Variants in TRPM1 observed in about 807,000 individuals in gnomAD.
TRPM1 encodes TRPM1-203 APA Isoform, Intron 10.
TRPM1 carries 113 observed loss-of-function variants against 149.4 expected under a neutral mutation model. The ratio of observed to expected loss-of-function variants is 0.76; its 90% CI spans 0.65 to 0.88. The LOEUF is 0.88. TRPM1 is among the 40% of genes least tolerant of loss of function. The pLI is 0.00. For synonymous variants in TRPM1, 741 were observed against 759.5 expected (o/e 0.98, Z 0.40); for missense variants, 1,976 against 2,038.7 (o/e 0.97, Z 0.59).
intron 11 of TRPM1, among the ~76,000 whole-genome samples, chr15:31,057,096 G>A (rs936521252): frequency 1.3e-5 from 2 of 152,222 alleles, no homozygotes; most frequent in African/African-American, 4.8e-5. Flanking sequence ...CAACTGTACA[G>A]TAGGCATTGA....
At chr15:31,083,208 T>C (rs528310048) in intron 1 of TRPM1, among the ~76,000 whole-genome samples, 10 of 152,274 alleles carry the variant, frequency 6.6e-5, no homozygotes, top group African/African-American at 1.7e-4. Flanking sequence ...ATGAAATGAA[T>C]GATGTGTGGA....
chr15:31,039,804 T>TG (rs1371174315), intron 18 of TRPM1, among the ~76,000 whole-genome samples: 1 of 152,090 alleles, frequency 6.6e-6, no homozygotes, highest in Non-Finnish European at 1.5e-5. Context: ...TACTGAGTTA[T>TG]GGGGGGCTCC....
Position 31,061,797 on chromosome 15 carries a change from A to G in TRPM1, c.1090-283T>C, listed in dbSNP as rs569635177. ...CCTCCCAGGTTCAAGCGATTCTCCT[A>G]TCTCAGCCTCCCAAGTGGCTGGGAT... is the stretch of plus-strand genomic sequence containing the variant. On this transcript the variant is annotated intron_variant, in intron 9 of 27. Transcript: ENST00000256552. Among the ~76,000 whole-genome samples, 9 of 151,486 alleles carry G rather than the reference A, an allele frequency of 5.9e-5. No individual in the cohort carries two copies. The South Asian group carries it at 1.9e-3, about 32-fold the overall frequency.
chr15:31,097,005 C>T lies in TRPM1; in HGVS notation c.-84+4652G>A, dbSNP rs143170845. 3.3e-5 allele frequency among the ~76,000 whole-genome samples: 5 copies of T among 152,312 alleles called. No homozygotes were observed. The East Asian group carries it at 5.8e-4, about 18-fold the overall frequency. On this transcript the variant is annotated intron_variant, in intron 1 of 27. Coordinates refer to ENST00000256552, the MANE Select transcript of TRPM1 (RefSeq NM_001252024.2). ...AGCGTGACGGTGGAGGCTGCCAGCA[C>T]GGGAATCAGACTGCCGGGCCCCTTT... is the stretch of plus-strand genomic sequence containing the variant.
At chr15:31,136,989 C>T (rs147660992) in intron 1 of TRPM1, among the ~76,000 whole-genome samples, 75 of 152,274 alleles carry the variant, frequency 4.9e-4, no homozygotes, top group African/African-American at 1.6e-3. Context: ...AGGCCCTGCT[C>T]GCTCTACCTT....
At chr15:31,030,732 G>A (rs1455581882) in intron 23 of TRPM1, among the ~76,000 whole-genome samples, 1 of 152,210 alleles carries the variant, frequency 6.6e-6, no homozygotes, top group Admixed American at 6.5e-5. Flanking sequence ...CTGCATTCAT[G>A]TGACACGATG....
At position 31,038,044 on chromosome 15, in the gene TRPM1, C is replaced by T. The variant is rs771354727; in HGVS notation, c.2439G>A (p.Thr813=). 8.1e-6 allele frequency: 13 copies of T among 1,613,930 alleles called. No individual in the cohort carries two copies. The highest frequency in any genetic ancestry group is 2.2e-5 in the East Asian group (1 of 44,904). ...EDGKEKEEEN[T]DANADAGSRK... ...GCTTAGGGTCAAGTGTGTCACTGAC[C>T]GTATTTTCCTCTTCTTTTTCTTTGC... The change falls in exon 19 of 28, where the codon ACG becomes ACA. Residue 813 remains threonine, a splice_region_variant and synonymous_variant. Coordinates refer to ENST00000256552, the MANE Select transcript of TRPM1 (RefSeq NM_001252024.2).
At chr15:31,018,643 T>A (rs2032452832) in intron 27 of TRPM1, among the ~76,000 whole-genome samples, 1 of 151,834 alleles carries the variant, frequency 6.6e-6, no homozygotes, top group Admixed American at 6.6e-5. Flanking sequence ...AAGTGCTGGA[T>A]TACAGGGATG....
rs776508170 is a variant in TRPM1, at chr15:31,040,073, C to T, written c.2316+45G>A. ...CTCAGTTCAGCCTGGCAGAGAGTCA[C>T]TTGTCACTGTCACCCTGGCCCGCCT... On this transcript the variant is annotated intron_variant, in intron 18 of 27. Transcript: ENST00000256552. This position sits in a 1 kb window ranked among gnomAD's most constrained non-coding sequence, Gnocchi z 4.2. The T allele has an allele frequency of 3.8e-6, 6 of 1,570,210 alleles. No homozygotes were observed. In the South Asian group the frequency reaches 6.7e-5, roughly 17 times the overall value.
intron 1 of TRPM1, among the ~76,000 whole-genome samples, chr15:31,129,697 T>C (rs1385731407): frequency 6.6e-6 from 1 of 152,176 alleles, no homozygotes. Context: ...CCGTAGTATA[T>C]GCTAAACATA....
Position 31,160,840 on chromosome 15 carries a change from C to T in TRPM1, c.54+66G>A, listed in dbSNP as rs2036434956. On this transcript the variant is annotated intron_variant, in intron 1 of 26. Transcript: ENST00000542188. The stretch of plus-strand genomic sequence containing the variant: ...GGGCCAGCACTCTGAGATGACAGAG[C>T]TGGAGACCAGTGTCCCTCTGCCCTT... 2.0e-6 allele frequency: 3 copies of T among 1,503,258 alleles called. No individual in the cohort carries two copies. The South Asian group carries it at 3.6e-5, about 18-fold the overall frequency. 93.1% of individuals were successfully genotyped at this position (1,503,258 alleles called of 1,614,324 possible).
chr15:31,048,391 A>C (rs2033844087), intron 13 of TRPM1, among the ~76,000 whole-genome samples: 1 of 152,234 alleles, frequency 6.6e-6, no homozygotes, highest in Non-Finnish European at 1.5e-5. Context: ...TTTCTTTTAC[A>C]AAACAGAGCT....
chr15:31,127,850 C>T (rs1036533213), intron 1 of TRPM1, among the ~76,000 whole-genome samples: 40 of 152,144 alleles, frequency 2.6e-4, no homozygotes, highest in African/African-American at 8.9e-4. Context: ...GAAACAAGGA[C>T]GCGAACCAGT....
At chr15:31,003,585 A>C (rs10162919) in intron 27 of TRPM1, among the ~76,000 whole-genome samples, 37,682 of 152,150 alleles carry the variant, frequency 0.25, 5,024 homozygotes, top group Non-Finnish European at 0.29. Flanking sequence ...ACTAGTGCTT[A>C]GTTTTTAGAG....
rs2035854608 is a variant in TRPM1 at position 31,119,957 on chromosome 15, A to G, written c.54+40949T>C. On this transcript the variant is annotated intron_variant, in intron 1 of 26. Coordinates refer to the TRPM1 transcript ENST00000542188. ...GAAGGGAAGAAAAGACAAATGTAAT[A>G]CATAGAAAATGGTTACAAATATGAT... Among the ~76,000 whole-genome samples, 6 of 152,162 alleles carry G rather than the reference A, an allele frequency of 3.9e-5. No individual in the cohort carries two copies. The South Asian group carries it at 1.2e-3, about 32-fold the overall frequency.
chr15:31,159,317 G>A (rs1033625459), intron 1 of TRPM1, among the ~76,000 whole-genome samples: 2 of 152,128 alleles, frequency 1.3e-5, no homozygotes, highest in African/African-American at 4.8e-5. Flanking sequence ...CAGGTGAACA[G>A]GTGACATCAA....
chr15:31,006,212 C>A (rs898524793), intron 27 of TRPM1, among the ~76,000 whole-genome samples: 2 of 151,820 alleles, frequency 1.3e-5, no homozygotes, highest in Non-Finnish European at 2.9e-5. Flanking sequence ...GAGTCTTGCT[C>A]TGTTGCCCAG....
intron 1 of TRPM1, among the ~76,000 whole-genome samples, chr15:31,113,611 T>A (rs1034210272): frequency 2.0e-5 from 3 of 152,216 alleles, no homozygotes; most frequent in African/African-American, 7.2e-5. Flanking sequence ...CAAGTAAACT[T>A]GTGTCATAGC....
At chr15:31,047,359 T>C (rs888010318) in intron 14 of TRPM1, 108 bp from the exon 15 acceptor site, 49 of 1,221,416 alleles carry the variant, frequency 4.0e-5, no homozygotes, top group Non-Finnish European at 5.6e-5. Context: ...TGGGAGTTCA[T>C]GTAACAGGTG....
Sources: allele counts gnomAD v4.1 joint callset (sites outside exome capture counted in the v4.1 genomes callset), GRCh38; gene constraint gnomAD v4.1.1; non-coding constraint Gnocchi (gnomAD v3.1); transcripts MANE v1.5; gene names NCBI Gene and HGNC (gene_info 2026-07-23, HGNC 2026-07-21).